ENTPD1: variants seen among roughly 807,000 people sequenced by gnomAD.
ENTPD1 encodes ATP diphosphohydrolase.
Under a neutral mutation model 57.0 loss-of-function variants are expected in ENTPD1, and 33 were observed. That is an observed-to-expected ratio of 0.58 (90% CI 0.44 to 0.77). The LOEUF (loss-of-function observed/expected upper bound fraction) is 0.77. ENTPD1 is among the 30% of genes least tolerant of loss of function. The probability of loss-of-function intolerance (pLI) is 0.00; values close to 1 mark genes in which losing one functional copy is unlikely to be tolerated. For synonymous variants in ENTPD1, 202 were observed against 218.8 expected (o/e 0.92, Z 0.68); for missense variants, 501 against 603.4 (o/e 0.83, Z 1.78).
intron 1 of ENTPD1, among the ~76,000 whole-genome samples, chr10:95,773,857 G>A (rs1335777653): frequency 6.6e-6 from 1 of 152,194 alleles, no homozygotes; most frequent in Non-Finnish European, 1.5e-5. Flanking sequence ...CCAGTAATGG[G>A]ATTGCTGGGT....
At chr10:95,844,343 C>A in intron 4 of ENTPD1, 133 bp from the exon 5 acceptor site, 4 of 1,231,728 alleles carry the variant, frequency 3.2e-6, no homozygotes, top group Non-Finnish European at 4.7e-6. Flanking sequence ...GTGCGAAGAT[C>A]CCCATCTCTT....
intron 1 of ENTPD1, among the ~76,000 whole-genome samples, chr10:95,764,111 C>T (rs1331188879): frequency 6.6e-6 from 1 of 152,072 alleles, no homozygotes; most frequent in African/African-American, 2.4e-5. Flanking sequence ...ATTTTATCAC[C>T]CTGAAAAGAA....
chr10:95,866,634 C>G lies in ENTPD1; in HGVS notation c.*251C>G. The G allele has an allele frequency of 2.2e-6, 3 of 1,335,314 alleles. No individual in the cohort carries two copies. 82.7% of individuals were successfully genotyped at this position (1,335,314 alleles called of 1,614,324 possible). On this transcript the variant is annotated 3_prime_UTR_variant, in exon 10 of 10. Coordinates refer to ENST00000371205, the MANE Select transcript of ENTPD1 (RefSeq NM_001776.6). ...ACACCTTTCTCCTTTGTACTTTGTG[C>G]TTGTATAGGTTTTAAAGACCTGACA...
intron 1 of ENTPD1, among the ~76,000 whole-genome samples, chr10:95,715,180 A>C (rs1303600523): frequency 6.6e-6 from 1 of 152,208 alleles, no homozygotes; most frequent in Non-Finnish European, 1.5e-5. Flanking sequence ...CAGATAACTG[A>C]GTCATACCCT....
At chr10:95,839,557 A>G (rs1048285983) in intron 2 of ENTPD1, 134 bp from the exon 3 acceptor site, 20 of 871,276 alleles carry the variant, frequency 2.3e-5, no homozygotes, top group South Asian at 2.3e-4. Flanking sequence ...GAGTGACTCC[A>G]GTGCCATCCC....
chr10:95,819,625 G>GT (rs1296555569), intron 1 of ENTPD1, among the ~76,000 whole-genome samples: 1 of 152,154 alleles, frequency 6.6e-6, no homozygotes, highest in Non-Finnish European at 1.5e-5. Context: ...ATCAGCCTGT[G>GT]TTTTTTCAAA....
chr10:95,788,281 C>A (rs1392275121), intron 1 of ENTPD1, among the ~76,000 whole-genome samples: 1 of 151,968 alleles, frequency 6.6e-6, no homozygotes, highest in East Asian at 1.9e-4. Context: ...AAATGGTAGA[C>A]GAATTCTCAT....
At chr10:95,813,793 T>C (rs1475979612) in intron 1 of ENTPD1, among the ~76,000 whole-genome samples, 4 of 152,112 alleles carry the variant, frequency 2.6e-5, no homozygotes, top group Admixed American at 1.3e-4. Flanking sequence ...ACCTCATTGG[T>C]GCAAAAATAA....
rs1245189744 is a variant in ENTPD1, at chr10:95,873,947, A to G, written c.*7564A>G. 6.6e-6 allele frequency among the ~76,000 whole-genome samples: 1 copy of G among 152,182 alleles called. No individual in the cohort carries two copies. The highest frequency in any genetic ancestry group is 1.5e-5 in the Non-Finnish European group (1 of 68,040). On this transcript the variant is annotated 3_prime_UTR_variant, in exon 10 of 10. Transcript: ENST00000371205. ...AATAGCACAGAAAAGACTGGCCTCC[A>G]TGATTCAATTACCTCCCACTGCGTC...
In ENTPD1 at chr10:95,717,337, GTTT is replaced by G. The variant is rs10609572; in HGVS notation, c.37+5364_37+5366del. 7.6e-4 allele frequency among the ~76,000 whole-genome samples: 96 copies of G among 125,936 alleles called. 1 individual carries two copies. Among genetic ancestry groups the G allele is most frequent in the Middle Eastern group, 4.0e-3 (1 of 248 alleles). The allele number at this position is 125,936 out of a possible 152,430, so 82.6% of individuals were successfully genotyped here. A position where few individuals can be genotyped will look rare whatever the true frequency, so the allele number is the denominator to read the frequency against. ...TCATTGAGGTTCTTGGATCTGCAGG[GTTT>G]TTTTTTTTTTTTTTTTTTTGCAGTT... On this transcript the variant is annotated intron_variant, in intron 1 of 9. Transcript: ENST00000453258.
intron 1 of ENTPD1, among the ~76,000 whole-genome samples, chr10:95,794,594 C>T (rs114811515): frequency 0.034 from 5,146 of 152,184 alleles, 116 homozygotes; most frequent in Non-Finnish European, 0.049. Context: ...TGTATATATC[C>T]GGAATTGAGG....
At chr10:95,774,488 T>A (rs902552343) in intron 1 of ENTPD1, among the ~76,000 whole-genome samples, 2 of 152,110 alleles carry the variant, frequency 1.3e-5, no homozygotes, top group Non-Finnish European at 2.9e-5. Flanking sequence ...TCTTTAATCC[T>A]TCTTGAATTA....
chr10:95,811,364 C>T (rs1341469954), intron 1 of ENTPD1, among the ~76,000 whole-genome samples: 4 of 152,182 alleles, frequency 2.6e-5, no homozygotes, highest in African/African-American at 7.2e-5. Context: ...CAGCGCACAA[C>T]TTCCTATGTA....
intron 1 of ENTPD1, among the ~76,000 whole-genome samples, chr10:95,731,003 A>G (rs573958926): frequency 2.1e-4 from 32 of 152,334 alleles, no homozygotes; most frequent in African/African-American, 7.5e-4. Flanking sequence ...CCAGAACTAG[A>G]ATTCAAGTCT....
the ENTPD1 span, among the ~76,000 whole-genome samples, chr10:95,699,467 G>T: frequency 2.0e-5 from 3 of 151,870 alleles, no homozygotes; most frequent in African/African-American, 4.8e-5. Flanking sequence ...AATTAGCCAG[G>T]TGTGGTAGTG....
chr10:95,870,564 C>T lies in ENTPD1; in HGVS notation c.*4181C>T. On this transcript the variant is annotated 3_prime_UTR_variant, in exon 10 of 10. Coordinates refer to ENST00000371205, the MANE Select transcript of ENTPD1 (RefSeq NM_001776.6). ...AAAGTGTTGAGATTACAGGCGTAAG[C>T]CACTGCACCTGGCCAAGATGAATAT... 1 of 985,434 alleles carries T rather than the reference C, an allele frequency of 1.0e-6. No individual in the cohort carries two copies. Among genetic ancestry groups the T allele is most frequent in the African/African-American group, 1.7e-5 (1 of 57,370 alleles). 61.0% of individuals were successfully genotyped at this position (985,434 alleles called of 1,614,324 possible).
At chr10:95,811,757 T>G (rs1566183166) in intron 1 of ENTPD1, among the ~76,000 whole-genome samples, 2 of 152,222 alleles carry the variant, frequency 1.3e-5, no homozygotes, top group Non-Finnish European at 2.9e-5. Context: ...TAGCTCAGTC[T>G]TTTTCATGTC....
At chr10:95,762,358 C>T (rs1290275957) in intron 1 of ENTPD1, among the ~76,000 whole-genome samples, 1 of 150,572 alleles carries the variant, frequency 6.6e-6, no homozygotes, top group Non-Finnish European at 1.5e-5. Context: ...GAAAAACAAT[C>T]ACTTGTAATA....
intron 2 of ENTPD1, among the ~76,000 whole-genome samples, chr10:95,834,727 G>A (rs1292604354): frequency 2.6e-5 from 4 of 151,994 alleles, no homozygotes; most frequent in Non-Finnish European, 5.9e-5. Flanking sequence ...GTGAGCTTAG[G>A]GTCTGTTGCG....
Sources: gnomAD v4.1 joint callset for allele counts (sites outside exome capture counted in the v4.1 genomes callset) on GRCh38, gnomAD v4.1.1 for gene constraint, MANE v1.5 for transcripts, NCBI Gene and HGNC (gene_info 2026-07-23, HGNC 2026-07-21) for gene names.